The following PCOLCE2 variants were observed in gnomAD, a reference collection of about 807,000 sequenced individuals.
The protein encoded by PCOLCE2 is procollagen C-endopeptidase enhancer 2, also known as procollagen C-proteinase enhancer 2.
In PCOLCE2, 42 loss-of-function variants were observed where a neutral mutation model predicts 47.0. That is an observed-to-expected ratio of 0.89 (90% CI 0.70 to 1.16). The LOEUF (loss-of-function observed/expected upper bound fraction) is 1.16. PCOLCE2 is among the 50% of genes most tolerant of loss of function. PCOLCE2 has a pLI of 0.00. For synonymous variants in PCOLCE2, 169 were observed against 191.7 expected (o/e 0.88, Z 0.98); for missense variants, 500 against 526.1 (o/e 0.95, Z 0.49).
chr3:142,873,369 G>A (rs1049505344), intron 2 of PCOLCE2, among the ~76,000 whole-genome samples: 2 of 149,966 alleles, frequency 1.3e-5, no homozygotes, highest in African/African-American at 4.9e-5. Flanking sequence ...CTCCAGCCCG[G>A]GCAACTAGAG....
At chr3:142,881,790 C>G (rs1166010678) in intron 2 of PCOLCE2, among the ~76,000 whole-genome samples, 1 of 152,186 alleles carries the variant, frequency 6.6e-6, no homozygotes, top group Non-Finnish European at 1.5e-5. Context: ...GTATTTCACT[C>G]TAGCTGAACA....
chr3:142,827,562 G>A (rs1937097110), intron 6 of PCOLCE2: 2 of 1,471,640 alleles, frequency 1.4e-6, no homozygotes, highest in African/African-American at 2.8e-5. Context: ...GTGCCCACAG[G>A]GAGCACACTG....
chr3:142,817,931 A>G lies in PCOLCE2; in HGVS notation c.*404T>C, dbSNP rs1484373995. On this transcript the variant is annotated 3_prime_UTR_variant, in exon 9 of 9. Coordinates refer to ENST00000295992, the MANE Select transcript of PCOLCE2 (RefSeq NM_013363.4). ...AGAAAACGCAAGACAAGATTGTAACACCTCAGGGCAAAGGCTTGAAGGTGA... is the reference window on the plus strand; with the variant it reads ...AGAAAACGCAAGACAAGATTGTAACGCCTCAGGGCAAAGGCTTGAAGGTGA... 6.3e-6 allele frequency: 1 copy of G among 157,716 alleles called. No homozygotes were observed. The highest frequency in any genetic ancestry group is 1.4e-5 in the Non-Finnish European group (1 of 71,050). The allele number at this position is 157,716 out of a possible 1,614,324, so 9.8% of individuals were successfully genotyped here.
At position 142,886,220 on chromosome 3, in the gene PCOLCE2, G is replaced by T. The variant is rs140833523; in HGVS notation, c.192+1449C>A. ...TTATCAAGGAAAGCTTTCACTGGAC[G>T]TGCCCCCCAACCCCAGTCAAAGTGT... On this transcript the variant is annotated intron_variant, in intron 2 of 8. Transcript: ENST00000295992. Among the ~76,000 whole-genome samples the T allele has an allele frequency of 3.4e-3, 510 of 152,188 alleles. 2 individuals carry two copies. The highest frequency in any genetic ancestry group is 0.012 in the African/African-American group (478 of 41,522).
intron 6 of PCOLCE2, 44 bp from the exon 7 acceptor site, chr3:142,823,659 G>T: frequency 8.9e-7 from 1 of 1,119,906 alleles, no homozygotes; most frequent in Non-Finnish European, 1.4e-6. Flanking sequence ...ATGAATTCAA[G>T]CATAATTGGT....
intron 2 of PCOLCE2, among the ~76,000 whole-genome samples, chr3:142,862,788 T>C (rs1454420162): frequency 6.6e-6 from 1 of 152,160 alleles, no homozygotes; most frequent in African/African-American, 2.4e-5. Context: ...CCATCTGTAA[T>C]GGCTTTATAC....
At chr3:142,848,572 A>G (rs1387697830) in intron 2 of PCOLCE2, 100 bp from the exon 3 acceptor site, 10 of 1,070,162 alleles carry the variant, frequency 9.3e-6, no homozygotes, top group Non-Finnish European at 1.4e-5. Context: ...AATATCCAAG[A>G]TAATGCTTTT....
At position 142,843,046 on chromosome 3, in the gene PCOLCE2, C is replaced by T. The variant is rs188811245; in HGVS notation, c.451G>A (p.Asp151Asn). The change falls in exon 4 of 9, where the codon GAT (aspartate) becomes AAT (asparagine). Residue 151 changes from aspartate (D) to asparagine (N), a missense_variant and splice_region_variant. By Grantham distance (23) the Asp-to-Asn change is conservative. Coordinates refer to ENST00000295992, the MANE Select transcript of PCOLCE2 (RefSeq NM_013363.4). ...FSAAEPNERG[D>N]QYCGGLLDRP... ...TCAAGGAGTCCTCCACAATACTGAT[C>T]CCCTTCAAGTATTAAACAAGGAAAA... is the stretch of plus-strand genomic sequence containing the variant. 2 of 1,613,262 alleles carry T rather than the reference C, an allele frequency of 1.2e-6. No individual in the cohort carries two copies. The highest frequency in any genetic ancestry group is 2.2e-5 in the East Asian group (1 of 44,880).
intron 3 of PCOLCE2, chr3:142,843,299 CT>C (rs768820935): frequency 1.3e-4 from 71 of 537,524 alleles, no homozygotes; most frequent in Admixed American, 7.4e-4. Context: ...GGCCTCTTTT[CT>C]TTTTTTTTCC....
chr3:142,849,617 C>CT (rs1937367841), intron 2 of PCOLCE2, among the ~76,000 whole-genome samples: 1 of 152,110 alleles, frequency 6.6e-6, no homozygotes, highest in Non-Finnish European at 1.5e-5. Context: ...TTCATACCAC[C>CT]TTTTAATTTC....
At chr3:142,844,048 C>T (rs181761167) in intron 3 of PCOLCE2, among the ~76,000 whole-genome samples, 7 of 152,254 alleles carry the variant, frequency 4.6e-5, no homozygotes, top group African/African-American at 1.7e-4. Flanking sequence ...CCAATCCCCA[C>T]GACCTGCTTC....
intron 2 of PCOLCE2, among the ~76,000 whole-genome samples, chr3:142,871,046 C>A (rs981085885): frequency 6.6e-6 from 1 of 152,202 alleles, no homozygotes; most frequent in African/African-American, 2.4e-5. Context: ...CCCTGGCCTC[C>A]GCTGCCAAAG....
intron 6 of PCOLCE2, among the ~76,000 whole-genome samples, chr3:142,825,429 C>T (rs1484928694): frequency 1.3e-5 from 2 of 152,102 alleles, no homozygotes; most frequent in African/African-American, 2.4e-5. Context: ...GCTGTGTTCC[C>T]GCGATCGTTT....
At chr3:142,845,836 A>G (rs1467934150) in intron 3 of PCOLCE2, among the ~76,000 whole-genome samples, 3 of 152,168 alleles carry the variant, frequency 2.0e-5, no homozygotes, top group Non-Finnish European at 4.4e-5. Flanking sequence ...TTAGCCAGGC[A>G]TGGTGGCGCA....
At chr3:142,888,179 G>A (rs906028235) in intron 1 of PCOLCE2, among the ~76,000 whole-genome samples, 1 of 152,146 alleles carries the variant, frequency 6.6e-6, no homozygotes, top group Admixed American at 6.5e-5. Context: ...AAAGTTTGTC[G>A]TTCCCATATT....
chr3:142,849,306 T>A lies in PCOLCE2; in HGVS notation c.193-834A>T, dbSNP rs149783232. Among the ~76,000 whole-genome samples the A allele has an allele frequency of 6.3e-3, 967 of 152,336 alleles. 11 individuals are homozygous for A. Among genetic ancestry groups the A allele is most frequent in the African/African-American group, 0.021 (887 of 41,566 alleles). On this transcript the variant is annotated intron_variant, in intron 2 of 8. Transcript: ENST00000295992. ...CATTTTGGGTCCTGAAACATCCAGA[T>A]GAACTACCGATACTGACTAAATGAA...
Position 142,825,401 on chromosome 3 carries a change from G to A in PCOLCE2, c.866-1786C>T, listed in dbSNP as rs79463767. On this transcript the variant is annotated intron_variant, in intron 6 of 8. Coordinates refer to ENST00000295992, the MANE Select transcript of PCOLCE2 (RefSeq NM_013363.4). The stretch of plus-strand genomic sequence containing the variant: ...GCCCTTCACTCACAAAGCTGGTCCC[G>A]GTTCTCAGCCCTCCCTGGCTGTGTT... Among the ~76,000 whole-genome samples the A allele has an allele frequency of 7.6e-3, 1,162 of 152,128 alleles. 10 individuals are homozygous for A. Among genetic ancestry groups the A allele is most frequent in the African/African-American group, 0.027 (1,109 of 41,496 alleles).
rs374810735 is a variant in PCOLCE2, at chr3:142,818,470, A to G, written c.1118-5T>C. 6.2e-7 allele frequency: 1 copy of G among 1,607,052 alleles called. No individual in the cohort carries two copies. Among genetic ancestry groups the G allele is most frequent in the African/African-American group, 1.3e-5 (1 of 74,812 alleles). On this transcript the variant is annotated splice_region_variant and splice_polypyrimidine_tract_variant and intron_variant, in intron 8 of 8. Coordinates refer to ENST00000295992, the MANE Select transcript of PCOLCE2 (RefSeq NM_013363.4). The stretch of plus-strand genomic sequence containing the variant: ...CCATAATAATGTAATTTAGACCTAA[A>G]GAAAGAGAATACAGAAATTAATCTT...
intron 5 of PCOLCE2, among the ~76,000 whole-genome samples, chr3:142,835,511 T>C (rs549067514): frequency 6.6e-6 from 1 of 152,362 alleles, no homozygotes; most frequent in Non-Finnish European, 1.5e-5. Flanking sequence ...AACTGGATTT[T>C]GTTTAATTAT....
Sources: gnomAD v4.1 joint callset for allele counts (sites outside exome capture counted in the v4.1 genomes callset) on GRCh38, gnomAD v4.1.1 for gene constraint, MANE v1.5 for transcripts, NCBI Gene and HGNC (gene_info 2026-07-23, HGNC 2026-07-21) for gene names.